The following ADGRB3 variants were observed in gnomAD, a reference collection of about 807,000 sequenced individuals.
The protein encoded by ADGRB3 is brain-specific angiogenesis inhibitor 3.
Under a neutral mutation model 193.4 loss-of-function variants are expected in ADGRB3, and 37 were observed. The ratio of observed to expected loss-of-function variants is 0.19; its 90% CI spans 0.15 to 0.25. ADGRB3 has a LOEUF of 0.25. Among genes scored for constraint, ADGRB3 ranks in the 10% least tolerant of loss-of-function variants. ADGRB3 has a pLI of 1.00. For synonymous variants in ADGRB3, 690 were observed against 644.2 expected (o/e 1.07, Z -1.08); for missense variants, 1,637 against 1,852.9 (o/e 0.88, Z 2.14).
intron 17 of ADGRB3, among the ~76,000 whole-genome samples, chr6:69,220,125 T>C (rs545195942): frequency 2.6e-5 from 4 of 152,056 alleles, no homozygotes; most frequent in African/African-American, 7.2e-5. Flanking sequence ...TCTCTGAGAA[T>C]AAAAGTTTTT....
chr6:69,276,108 G>C (rs1460247700), intron 20 of ADGRB3, among the ~76,000 whole-genome samples: 1 of 152,142 alleles, frequency 6.6e-6, no homozygotes, highest in Non-Finnish European at 1.5e-5. Context: ...AATTCAGCAA[G>C]ACTATAGAAA....
At chr6:68,794,883 T>C (rs1767176602) in intron 3 of ADGRB3, among the ~76,000 whole-genome samples, 1 of 152,122 alleles carries the variant, frequency 6.6e-6, no homozygotes, top group South Asian at 2.1e-4. Context: ...GGTGGAGTCC[T>C]AAGATGGCAA....
chr6:69,366,606 T>C (rs1408767388), intron 29 of ADGRB3, among the ~76,000 whole-genome samples: 1 of 152,100 alleles, frequency 6.6e-6, no homozygotes, highest in African/African-American at 2.4e-5. Flanking sequence ...TTTTAAATCA[T>C]CGTAAAGAAT....
chr6:68,822,502 T>G (rs1256503424), intron 3 of ADGRB3, among the ~76,000 whole-genome samples: 1 of 151,880 alleles, frequency 6.6e-6, no homozygotes, highest in Non-Finnish European at 1.5e-5. Flanking sequence ...ATAGTAAGAG[T>G]AGCTTAAAAG....
At chr6:69,169,617 A>G (rs989704816) in intron 17 of ADGRB3, among the ~76,000 whole-genome samples, 12 of 151,454 alleles carry the variant, frequency 7.9e-5, no homozygotes, top group Admixed American at 5.9e-4. Flanking sequence ...AATTAAATAA[A>G]TACCATAGGT....
chr6:68,817,436 T>A (rs1026835422), intron 3 of ADGRB3, among the ~76,000 whole-genome samples: 3 of 149,138 alleles, frequency 2.0e-5, no homozygotes, highest in African/African-American at 7.3e-5. Flanking sequence ...ATTAGATATC[T>A]AGTTTTTTTT....
At chr6:69,257,144 G>A (rs1044800239) in intron 20 of ADGRB3, among the ~76,000 whole-genome samples, 1 of 152,162 alleles carries the variant, frequency 6.6e-6, no homozygotes, top group African/African-American at 2.4e-5. Context: ...TGTTCATCAA[G>A]GATATTGGTC....
intron 3 of ADGRB3, among the ~76,000 whole-genome samples, chr6:68,831,232 G>A (rs997558717): frequency 7.0e-6 from 1 of 142,594 alleles, no homozygotes; most frequent in Non-Finnish European, 1.5e-5. Flanking sequence ...AGACAGAAAA[G>A]AAGTCAAAGA....
At chr6:68,925,741 A>T (rs371734002) in intron 3 of ADGRB3, among the ~76,000 whole-genome samples, 4 of 152,004 alleles carry the variant, frequency 2.6e-5, no homozygotes, top group African/African-American at 7.2e-5. Context: ...GTAGCTCAAT[A>T]ATATTTTGAT....
At chr6:69,218,671 T>C (rs575484524) in intron 17 of ADGRB3, among the ~76,000 whole-genome samples, 28 of 152,250 alleles carry the variant, frequency 1.8e-4, no homozygotes, top group African/African-American at 6.0e-4. Context: ...TTTGTTTTTA[T>C]AGGAGGCTTT....
At chr6:68,894,144 C>T (rs928350841) in intron 3 of ADGRB3, among the ~76,000 whole-genome samples, 2 of 151,822 alleles carry the variant, frequency 1.3e-5, no homozygotes, top group Non-Finnish European at 2.9e-5. Flanking sequence ...TTCATCATCA[C>T]GTAGAATTAA....
chr6:69,030,467 G>A (rs893202504), intron 13 of ADGRB3, among the ~76,000 whole-genome samples: 1 of 152,142 alleles, frequency 6.6e-6, no homozygotes, highest in East Asian at 1.9e-4. Flanking sequence ...TCTTTGCAGG[G>A]ACATGGATGA....
At chr6:69,328,314 T>C (rs1309624792) in intron 22 of ADGRB3, among the ~76,000 whole-genome samples, 1 of 152,060 alleles carries the variant, frequency 6.6e-6, no homozygotes, top group Non-Finnish European at 1.5e-5. Flanking sequence ...TATGTTAGGG[T>C]AATGCATACT....
At chr6:68,843,059 A>AAACAC (rs1554203969) in intron 3 of ADGRB3, among the ~76,000 whole-genome samples, 119 of 151,382 alleles carry the variant, frequency 7.9e-4, no homozygotes, top group African/African-American at 2.4e-3. Flanking sequence ...AACAAAAAAA[A>AAACAC]AAACAGGAAA....
At chr6:68,817,567 A>C (rs1390330408) in intron 3 of ADGRB3, among the ~76,000 whole-genome samples, 1 of 151,574 alleles carries the variant, frequency 6.6e-6, no homozygotes, top group African/African-American at 2.4e-5. Context: ...TGTTACAAGC[A>C]CTCATGCATA....
chr6:69,064,223 AT>A (rs1707716929), intron 16 of ADGRB3, among the ~76,000 whole-genome samples: 1 of 152,052 alleles, frequency 6.6e-6, no homozygotes, highest in African/African-American at 2.4e-5. Context: ...TTTAATAAAA[AT>A]TTCAAATCTC....
intron 3 of ADGRB3, among the ~76,000 whole-genome samples, chr6:68,848,660 T>A (rs988641031): frequency 1.3e-5 from 2 of 152,154 alleles, no homozygotes; most frequent in East Asian, 3.9e-4. Flanking sequence ...TAAGTCTAAA[T>A]TCTAAAATTT....
intron 3 of ADGRB3, among the ~76,000 whole-genome samples, chr6:68,680,315 A>G (rs561320503): frequency 2.4e-4 from 36 of 152,270 alleles, no homozygotes; most frequent in South Asian, 8.3e-4. Context: ...AACAGAAAAA[A>G]AAAGAAGAAA....
At position 69,388,577 on chromosome 6, in the gene ADGRB3, T is replaced by C. The variant is rs189598824; in HGVS notation, c.4381-126T>C. ...AACTATTTCCCACAGTTGGCCGTATTTTCAAGTCATCTCTGCATCACAGAA... is the reference window on the plus strand; with the variant it reads ...AACTATTTCCCACAGTTGGCCGTATCTTCAAGTCATCTCTGCATCACAGAA... On this transcript the variant is annotated intron_variant, in intron 31 of 31. Coordinates refer to ENST00000370598, the MANE Select transcript of ADGRB3 (RefSeq NM_001704.3). The C allele has an allele frequency of 1.6e-5, 14 of 893,172 alleles. No homozygotes were observed. The Admixed American group carries it at 4.5e-4, about 29-fold the overall frequency. 55.3% of individuals were successfully genotyped at this position (893,172 alleles called of 1,614,324 possible).
Sources: allele counts gnomAD v4.1 joint callset (sites outside exome capture counted in the v4.1 genomes callset), GRCh38; gene constraint gnomAD v4.1.1; transcripts MANE v1.5; gene names NCBI Gene and HGNC (gene_info 2026-07-23, HGNC 2026-07-21).